Variants in IGF2BP1 observed in about 807,000 individuals in gnomAD.
The protein encoded by IGF2BP1 is insulin like growth factor 2 mRNA binding protein 1.
IGF2BP1 carries 11 observed loss-of-function variants against 74.9 expected under a neutral mutation model. That is an observed-to-expected ratio of 0.15 (90% CI 0.09 to 0.24). The LOEUF is 0.24. Among genes scored for constraint, IGF2BP1 ranks in the 10% least tolerant of loss-of-function variants. The probability of loss-of-function intolerance (pLI) is 1.00; values close to 1 mark genes in which losing one functional copy is unlikely to be tolerated. For missense variants in IGF2BP1, 440 were observed against 757.4 expected, an observed-to-expected ratio of 0.58 and a Z score of 4.92; for synonymous variants, 287 against 281.8, an observed-to-expected ratio of 1.02 and a Z score of -0.18.
chr17:49,047,150 G>GT (rs888996266), intron 14 of IGF2BP1, among the ~76,000 whole-genome samples: 77 of 152,096 alleles, frequency 5.1e-4, no homozygotes, highest in African/African-American at 1.8e-3. Context: ...CTGGCTCTTG[G>GT]TTTTTTGGCT....
upstream of IGF2BP1, among the ~76,000 whole-genome samples, chr17:48,997,221 C>T (rs967207817): frequency 3.3e-5 from 5 of 152,006 alleles, no homozygotes; most frequent in African/African-American, 7.2e-5. This position sits in a 1 kb window ranked among gnomAD's most constrained non-coding sequence, Gnocchi z 4.8. Context: ...TGCCGCACCG[C>T]CCCAGTTTAC....
intron 2 of IGF2BP1, among the ~76,000 whole-genome samples, chr17:49,019,940 A>ATATATG (rs1555597807): frequency 4.0e-5 from 2 of 49,896 alleles, no homozygotes; most frequent in African/African-American, 1.9e-4. Context: ...ATATATATAT[A>ATATATG]TATATATATT....
intron 2 of IGF2BP1, among the ~76,000 whole-genome samples, chr17:49,023,208 G>A (rs572046375): frequency 1.3e-5 from 2 of 152,308 alleles, no homozygotes; most frequent in South Asian, 4.1e-4. Context: ...ATGGCATCTG[G>A]GGACCTGGAA....
chr17:49,007,664 G>A (rs1304068145), intron 2 of IGF2BP1, among the ~76,000 whole-genome samples: 4 of 152,154 alleles, frequency 2.6e-5, no homozygotes, highest in Admixed American at 1.3e-4. Context: ...CTTGGGGCTC[G>A]TCAACTTTCC....
chr17:49,032,370 GT>G (rs2144085661), intron 5 of IGF2BP1, among the ~76,000 whole-genome samples: 1 of 152,162 alleles, frequency 6.6e-6, no homozygotes, highest in Non-Finnish European at 1.5e-5. Context: ...GAACTTCGGG[GT>G]TCAAAAAAGA....
intron 2 of IGF2BP1, among the ~76,000 whole-genome samples, chr17:49,012,107 G>A (rs1049879181): frequency 2.4e-4 from 36 of 152,046 alleles, no homozygotes; most frequent in African/African-American, 6.3e-4. Context: ...GGTTTGCCAT[G>A]TTGGCCAGGC....
chr17:49,048,453 G>A (rs1425534945), intron 14 of IGF2BP1, among the ~76,000 whole-genome samples: 7 of 151,606 alleles, frequency 4.6e-5, no homozygotes, highest in Non-Finnish European at 7.4e-5. Context: ...GGGTTTCACC[G>A]TGTTGGCCAG....
chr17:49,048,726 G>T (rs1218859230), intron 14 of IGF2BP1, among the ~76,000 whole-genome samples: 1 of 152,064 alleles, frequency 6.6e-6, no homozygotes, highest in Non-Finnish European at 1.5e-5. Flanking sequence ...ATTACCTCCT[G>T]AGCCCCGCTT....
intron 14 of IGF2BP1, among the ~76,000 whole-genome samples, chr17:49,048,009 C>G (rs1176672833): frequency 6.6e-6 from 1 of 152,168 alleles, no homozygotes; most frequent in Non-Finnish European, 1.5e-5. Flanking sequence ...AGCCACAATG[C>G]CCAGCCTCAG....
Position 49,025,561 on chromosome 17 carries a change from C to T in IGF2BP1, c.237-57C>T, listed in dbSNP as rs2041842236. The T allele has an allele frequency of 2.0e-6, 3 of 1,486,240 alleles. No homozygotes were observed. The Admixed American group carries it at 5.2e-5, about 26-fold the overall frequency. 92.1% of individuals were successfully genotyped at this position (1,486,240 alleles called of 1,614,324 possible). ...GGGCAAGGATTAGAAACTGCGAGTT[C>T]ACAGACCCCTAATGTATTCAGAGCT... is the stretch of plus-strand genomic sequence containing the variant. On this transcript the variant is annotated intron_variant, in intron 2 of 14. Coordinates refer to ENST00000290341, the MANE Select transcript of IGF2BP1 (RefSeq NM_006546.4).
rs982299310 is a variant in IGF2BP1 at position 49,051,537 on chromosome 17, C to T, written c.*2093C>T. On this transcript the variant is annotated 3_prime_UTR_variant, in exon 15 of 15. Coordinates refer to ENST00000290341, the MANE Select transcript of IGF2BP1 (RefSeq NM_006546.4). ...AAGGCCTAGTGGAGCTGGGGGCTCT[C>T]AGTGGTTAAACAATGCCCAACAACC... The T allele has an allele frequency of 6.6e-6, 1 of 152,220 alleles. No homozygotes were observed. The highest frequency in any genetic ancestry group is 2.4e-5 in the African/African-American group (1 of 41,454). 9.4% of individuals were successfully genotyped at this position (152,220 alleles called of 1,614,324 possible).
At position 49,011,167 on chromosome 17, in the gene IGF2BP1, AC is replaced by A. The variant is rs1320728544; in HGVS notation, c.236+11999del. 5.9e-3 allele frequency among the ~76,000 whole-genome samples: 716 copies of A among 120,582 alleles called. 9 individuals carry two copies. Among genetic ancestry groups the A allele is most frequent in the Non-Finnish European group, 9.4e-3 (511 of 54,448 alleles). The allele number at this position is 120,582 out of a possible 152,430, so 79.1% of individuals were successfully genotyped here. ...AAAAAAAAAAAAAAAAAAAAAAAAAACAAACCCTAAAAAAACAAAAACAGCT... is the reference window on the plus strand; with the variant it reads ...AAAAAAAAAAAAAAAAAAAAAAAAAAAAACCCTAAAAAAACAAAAACAGCT... On this transcript the variant is annotated intron_variant, in intron 2 of 14. Coordinates refer to ENST00000290341, the MANE Select transcript of IGF2BP1 (RefSeq NM_006546.4).
At chr17:49,014,802 A>T in intron 2 of IGF2BP1, 1 of 985,354 alleles carries the variant, frequency 1.0e-6, no homozygotes, top group Non-Finnish European at 1.2e-6. Context: ...CCCGAGGAGC[A>T]CGGGGATGTC....
At position 49,049,520 on chromosome 17, in the gene IGF2BP1, G is replaced by A. The variant is rs1392744417; in HGVS notation, c.*76G>A. The A allele has an allele frequency of 3.9e-6, 5 of 1,275,192 alleles. No homozygotes were observed. The highest frequency in any genetic ancestry group is 5.6e-6 in the Non-Finnish European group (5 of 890,106). 79.0% of individuals were successfully genotyped at this position (1,275,192 alleles called of 1,614,324 possible). ...AGAGTGTGCTCTCCCCGGCAGGCCT[G>A]AGAATGAGTGGGAATCCGGGACACC... On this transcript the variant is annotated 3_prime_UTR_variant, in exon 15 of 15. Coordinates refer to ENST00000290341, the MANE Select transcript of IGF2BP1 (RefSeq NM_006546.4).
At position 48,997,828 on chromosome 17, in the gene IGF2BP1, C is replaced by T; in HGVS notation, c.83C>T (p.Ser28Phe). ...LEKVFAEHKI[S>F]YSGQFLVKSG... is the part of the protein sequence containing the mutation. Reference sequence around the variant, plus strand: ...AAAGTGTTTGCGGAGCACAAGATCTCCTACAGCGGCCAGTTCTTGGTCAAA... The same window carrying T: ...AAAGTGTTTGCGGAGCACAAGATCTTCTACAGCGGCCAGTTCTTGGTCAAA... The change falls in exon 1 of 15, where the codon TCC becomes TTC. Residue 28 changes from serine (S) to phenylalanine (F), a missense_variant. Coordinates refer to ENST00000290341, the MANE Select transcript of IGF2BP1 (RefSeq NM_006546.4). This position sits in a 1 kb window ranked among gnomAD's most constrained non-coding sequence, Gnocchi z 4.8. 6.2e-7 allele frequency: 1 copy of T among 1,614,202 alleles called. No homozygotes were observed. The highest frequency in any genetic ancestry group is 8.5e-7 in the Non-Finnish European group (1 of 1,180,032).
chr17:49,045,017 C>T lies in IGF2BP1; in HGVS notation c.1347C>T (p.Ser449=), dbSNP rs376692663. The change falls in exon 12 of 15, where the codon TCC becomes TCT. Residue 449 remains serine, a synonymous_variant. Transcript: ENST00000290341. ...TTGCACCACCCGAAACACCTGACTC[C>T]AAAGTTCGTATGGTTATCATCACTG... is the stretch of plus-strand genomic sequence containing the variant. The part of the protein sequence containing the change: ...IKIAPPETPD[S]KVRMVIITGP... 1 of 1,614,114 alleles carries T rather than the reference C, an allele frequency of 6.2e-7. No homozygotes were observed. Among genetic ancestry groups the T allele is most frequent in the African/African-American group, 1.3e-5 (1 of 75,044 alleles).
rs1223519286 is a variant in IGF2BP1 at position 49,025,619 on chromosome 17, A to T, written c.238A>T (p.Ser80Cys). The change falls in exon 3 of 15, where the codon AGC becomes TGC. Residue 80 changes from serine (S) to cysteine (C), a missense_variant and splice_region_variant. Around this residue, in one of 5 missense-constraint regions of IGF2BP1, gnomAD observed 105 missense variants for 199.4 expected, o/e 0.53. Coordinates refer to ENST00000290341, the MANE Select transcript of IGF2BP1 (RefSeq NM_006546.4). ...ACTCTGCTCCCCCTTTACTTTCAGG[A>T]GCCGGAAAATTCAAATCCGAAATAT... ...IEHSVPKKQRSRKIQIRNIPP... is the reference protein window; with the variant it reads ...IEHSVPKKQRCRKIQIRNIPP... The T allele has an allele frequency of 6.2e-7, 1 of 1,612,558 alleles. No individual in the cohort carries two copies.
At chr17:49,031,664 G>A (rs755777823) in intron 4 of IGF2BP1, among the ~76,000 whole-genome samples, 5 of 151,684 alleles carry the variant, frequency 3.3e-5, no homozygotes, top group East Asian at 1.9e-4. Context: ...GTGCCACTAC[G>A]CCCGGCTACT....
At chr17:49,025,877 T>C (rs1237908829) in intron 3 of IGF2BP1, among the ~76,000 whole-genome samples, 1 of 148,056 alleles carries the variant, frequency 6.8e-6, no homozygotes, top group Non-Finnish European at 1.5e-5. Context: ...TTTTTTGAGA[T>C]GGAGTTTTGC....
Sources: allele counts gnomAD v4.1 joint callset (sites outside exome capture counted in the v4.1 genomes callset), GRCh38; gene constraint gnomAD v4.1.1; regional missense constraint gnomAD v4.1.1; non-coding constraint Gnocchi (gnomAD v3.1); transcripts MANE v1.5; gene names NCBI Gene and HGNC (gene_info 2026-07-23, HGNC 2026-07-21).